Variants in PCOLCE2 observed in about 807,000 individuals in gnomAD.
The protein encoded by PCOLCE2 is procollagen C-proteinase enhancer 2.
In PCOLCE2, 42 loss-of-function variants were observed where a neutral mutation model predicts 47.0. That is an observed-to-expected ratio of 0.89 (90% confidence interval 0.70 to 1.16). PCOLCE2 has a LOEUF of 1.16. PCOLCE2 is among the 50% of genes most tolerant of loss of function. PCOLCE2 has a pLI of 0.00. For missense variants in PCOLCE2, 500 were observed against 526.1 expected, an observed-to-expected ratio of 0.95 and a Z score of 0.49; for synonymous variants, 169 against 191.7, an observed-to-expected ratio of 0.88 and a Z score of 0.98.
At chr3:142,849,165 AT>A (rs1442134994) in intron 2 of PCOLCE2, among the ~76,000 whole-genome samples, 3 of 148,012 alleles carry the variant, frequency 2.0e-5, no homozygotes, top group African/African-American at 7.5e-5. Context: ...AAAAAAAAAA[AT>A]CATTTCTTAC....
chr3:142,823,713 C>A, intron 6 of PCOLCE2, 98 bp from the exon 7 acceptor site: 2 of 711,854 alleles, frequency 2.8e-6, no homozygotes, highest in South Asian at 1.8e-5. Flanking sequence ...ATTTATTTCC[C>A]TGAGCCACCA....
At chr3:142,830,242 GCA>G (rs1317634957) in intron 5 of PCOLCE2, among the ~76,000 whole-genome samples, 3 of 152,218 alleles carry the variant, frequency 2.0e-5, no homozygotes, top group Non-Finnish European at 4.4e-5. Context: ...TTTTCAAAAA[GCA>G]CCTCATGATT....
At chr3:142,846,978 T>A (rs1458998330) in intron 3 of PCOLCE2, among the ~76,000 whole-genome samples, 4 of 152,234 alleles carry the variant, frequency 2.6e-5, no homozygotes, top group Non-Finnish European at 5.9e-5. Context: ...ATTGACTGCT[T>A]TTGTCCTTGA....
intron 3 of PCOLCE2, chr3:142,843,292 C>T: frequency 3.5e-6 from 2 of 571,192 alleles, no homozygotes; most frequent in Non-Finnish European, 6.6e-6. Flanking sequence ...GACTCAGGGC[C>T]TCTTTTCTTT....
At chr3:142,876,391 G>A (rs1215640580) in intron 2 of PCOLCE2, among the ~76,000 whole-genome samples, 1 of 152,148 alleles carries the variant, frequency 6.6e-6, no homozygotes, top group East Asian at 1.9e-4. Context: ...TTTTATAGAT[G>A]AGGAAACTGA....
intron 2 of PCOLCE2, among the ~76,000 whole-genome samples, chr3:142,856,892 CTTTT>C (rs34805543): frequency 7.6e-6 from 1 of 131,564 alleles, no homozygotes; most frequent in Admixed American, 7.7e-5. Flanking sequence ...TAAACAGGAG[CTTTT>C]TTTTTTTTTT....
intron 2 of PCOLCE2, among the ~76,000 whole-genome samples, chr3:142,851,856 C>T (rs751179298): frequency 2.6e-5 from 4 of 152,148 alleles, no homozygotes; most frequent in Non-Finnish European, 5.9e-5. Flanking sequence ...ACTACGTAGA[C>T]AATTCTGTTG....
intron 6 of PCOLCE2, chr3:142,827,619 T>A: frequency 6.8e-7 from 1 of 1,472,318 alleles, no homozygotes; most frequent in South Asian, 1.1e-5. Flanking sequence ...AACTGGCCCG[T>A]GTGAATGCCC....
chr3:142,888,926 C>G lies in PCOLCE2; in HGVS notation c.-30G>C, dbSNP rs557851786. The G allele has an allele frequency of 2.3e-6, 3 of 1,289,274 alleles. No homozygotes were observed. Among genetic ancestry groups the G allele is most frequent in the Non-Finnish European group, 3.0e-6 (3 of 985,062 alleles). The allele number at this position is 1,289,274 out of a possible 1,614,324, so 79.9% of individuals were successfully genotyped here. A position where few individuals can be genotyped will look rare whatever the true frequency, so the allele number is the denominator to read the frequency against. ...GCGTAGACGCTCGGGGTTTGCACCCCACGGCGCGCGCGCCGGCACACACGC... is the reference window on the plus strand; with the variant it reads ...GCGTAGACGCTCGGGGTTTGCACCCGACGGCGCGCGCGCCGGCACACACGC... On this transcript the variant is annotated 5_prime_UTR_variant, in exon 1 of 9. Coordinates refer to ENST00000295992, the MANE Select transcript of PCOLCE2 (RefSeq NM_013363.4).
intron 3 of PCOLCE2, among the ~76,000 whole-genome samples, chr3:142,843,503 AAT>A (rs1349554585): frequency 1.3e-5 from 2 of 150,572 alleles, no homozygotes; most frequent in Non-Finnish European, 3.0e-5. Flanking sequence ...ATATGTATAT[AAT>A]ATATATATGT....
chr3:142,865,319 GT>G (rs61477507), intron 2 of PCOLCE2, among the ~76,000 whole-genome samples: 1,647 of 148,484 alleles, frequency 0.011, 36 homozygotes, highest in African/African-American at 0.038. Context: ...TCTTTTGCCT[GT>G]TTTTTTTTTA....
intron 7 of PCOLCE2, among the ~76,000 whole-genome samples, chr3:142,822,223 A>G (rs1937023882): frequency 6.6e-6 from 1 of 151,960 alleles, no homozygotes; most frequent in Non-Finnish European, 1.5e-5. Flanking sequence ...GCCTGAATAC[A>G]TTTTTTACCA....
At chr3:142,827,704 G>T (rs796971700) in intron 6 of PCOLCE2, 1 of 1,023,594 alleles carries the variant, frequency 9.8e-7, no homozygotes, top group Non-Finnish European at 1.5e-6. Flanking sequence ...GGAGGGGCGC[G>T]CTGTGACCCG....
At chr3:142,846,482 G>A (rs1437330629) in intron 3 of PCOLCE2, among the ~76,000 whole-genome samples, 1 of 152,202 alleles carries the variant, frequency 6.6e-6, no homozygotes, top group Non-Finnish European at 1.5e-5. Context: ...TTACAGGCAT[G>A]AGCCACTACG....
At chr3:142,886,010 T>C (rs772997749) in intron 2 of PCOLCE2, among the ~76,000 whole-genome samples, 5 of 152,200 alleles carry the variant, frequency 3.3e-5, no homozygotes, top group Non-Finnish European at 5.9e-5. Flanking sequence ...TTCACAGTAA[T>C]CCTAAGGTTT....
chr3:142,861,616 G>A (rs925152402), intron 2 of PCOLCE2, among the ~76,000 whole-genome samples: 31 of 152,070 alleles, frequency 2.0e-4, no homozygotes, highest in Middle Eastern at 3.2e-3. Flanking sequence ...CCCTGAGGAC[G>A]ATAATGATTA....
intron 6 of PCOLCE2, chr3:142,827,348 C>T (rs541760549): frequency 9.3e-5 from 137 of 1,479,180 alleles, no homozygotes; most frequent in Middle Eastern, 2.4e-4. Flanking sequence ...TTTGTCAGTT[C>T]GGCCACCTCC....
At chr3:142,844,010 C>A (rs1272502010) in intron 3 of PCOLCE2, among the ~76,000 whole-genome samples, 1 of 152,052 alleles carries the variant, frequency 6.6e-6, no homozygotes, top group East Asian at 1.9e-4. Context: ...TAATAGTCAT[C>A]ATTCTATTAT....
chr3:142,839,647 C>T (rs1374839353), intron 4 of PCOLCE2, among the ~76,000 whole-genome samples: 1 of 152,158 alleles, frequency 6.6e-6, no homozygotes, highest in Admixed American at 6.5e-5. Flanking sequence ...CCACATTCCA[C>T]ACACAAACAA....
Sources: allele counts gnomAD v4.1 joint callset (sites outside exome capture counted in the v4.1 genomes callset), GRCh38; gene constraint gnomAD v4.1.1; transcripts MANE v1.5; gene names NCBI Gene and HGNC (gene_info 2026-07-23, HGNC 2026-07-21).